ASNS: variants seen among roughly 807,000 people sequenced by gnomAD.
ASNS encodes the protein asparagine synthetase (glutamine-hydrolyzing), also known as asparagine synthetase [glutamine-hydrolyzing].
ASNS carries 37 observed loss-of-function variants against 62.6 expected under a neutral mutation model. The ratio of observed to expected loss-of-function variants is 0.59; its 90% CI spans 0.45 to 0.78. The LOEUF is 0.78. Ranked by LOEUF, ASNS falls within the 30% of genes least tolerant of loss-of-function variation. The pLI is 0.00. For synonymous variants in ASNS, 207 were observed against 237.9 expected, an observed-to-expected ratio of 0.87 and a Z score of 1.19; for missense variants, 520 against 682.4, an observed-to-expected ratio of 0.76 and a Z score of 2.65.
the ASNS span, among the ~76,000 whole-genome samples, chr7:97,920,293 C>G: frequency 6.6e-6 from 1 of 152,258 alleles, no homozygotes; most frequent in Non-Finnish European, 1.5e-5. Flanking sequence ...TGTGAGCCAC[C>G]ATGCCTGGCC....
rs762882170 is a variant in ASNS at position 97,853,064 on chromosome 7, T to A, written c.1472A>T (p.His491Leu). The change falls in exon 12 of 13, where the codon CAT (histidine) becomes CTT (leucine). Residue 491 changes from histidine (H) to leucine (L), a missense_variant. Coordinates refer to ENST00000394308, the MANE Select transcript of ASNS (RefSeq NM_001673.5). ...WFKILQEYVE[H>L]QVDDAMMANA... is the part of the protein sequence containing the mutation. ...ATGTTTTTAAAGACATTATACCTGA[T>A]GTTCAACGTATTCCTGTAAAATCTT... 5.7e-6 allele frequency: 9 copies of A among 1,568,930 alleles called. No homozygotes were observed. The highest frequency in any genetic ancestry group is 7.8e-6 in the Non-Finnish European group (9 of 1,161,040).
intron 1 of ASNS, among the ~76,000 whole-genome samples, chr7:97,871,500 AT>A (rs201755027): frequency 1.9e-5 from 2 of 102,878 alleles, no homozygotes; most frequent in African/African-American, 3.7e-5. Context: ...ATGATTTAAA[AT>A]TTAAAAAAAA....
chr7:97,896,711 T>TACAC, the ASNS span, among the ~76,000 whole-genome samples: 432 of 44,272 alleles, frequency 9.8e-3, 15 homozygotes, highest in African/African-American at 0.02. Flanking sequence ...TGTATATATA[T>TACAC]ACACACACAC....
the ASNS span, among the ~76,000 whole-genome samples, chr7:97,926,000 G>A: frequency 6.6e-6 from 1 of 151,870 alleles, no homozygotes; most frequent in Non-Finnish European, 1.5e-5. Context: ...GGATACACAA[G>A]AAGCCTGTGA....
chr7:97,858,101 A>G (rs1791542090), intron 7 of ASNS, among the ~76,000 whole-genome samples, 177 bp downstream of exon 7: 1 of 152,232 alleles, frequency 6.6e-6, no homozygotes, highest in Non-Finnish European at 1.5e-5. Flanking sequence ...CACAGAGGAC[A>G]GTGTACAACA....
the ASNS span, among the ~76,000 whole-genome samples, chr7:97,891,813 C>A: frequency 1.3e-5 from 2 of 152,162 alleles, no homozygotes; most frequent in East Asian, 1.9e-4. Context: ...GGGTTTAAAC[C>A]CCCTCCTGGC....
At chr7:97,918,267 T>C in the ASNS span, among the ~76,000 whole-genome samples, 2 of 152,144 alleles carry the variant, frequency 1.3e-5, no homozygotes, top group African/African-American at 4.8e-5. Flanking sequence ...GATGACTGGA[T>C]GGAATTTTGC....
rs186368931 is a variant in ASNS at position 97,854,474 on chromosome 7, C to G, written c.1238+106G>C. The G allele has an allele frequency of 5.9e-3, 7,834 of 1,335,632 alleles. 32 individuals are homozygous for G. The highest frequency in any genetic ancestry group is 7.1e-3 in the Non-Finnish European group (6,893 of 967,386). The allele number at this position is 1,335,632 out of a possible 1,614,324, so 82.7% of individuals were successfully genotyped here. ...ATAGCCAACTATATGTAACATATAG[C>G]CAATCAGCTATTGATTTTTATTTTC... On this transcript the variant is annotated intron_variant, in intron 10 of 12. Coordinates refer to ENST00000394308, the MANE Select transcript of ASNS (RefSeq NM_001673.5).
intron 7 of ASNS, among the ~76,000 whole-genome samples, chr7:97,857,407 A>G (rs1300410088): frequency 6.6e-6 from 1 of 152,088 alleles, no homozygotes; most frequent in Non-Finnish European, 1.5e-5. Flanking sequence ...TACTTTCAAA[A>G]ATAATAATAA....
At chr7:97,856,274 A>G (rs189593629) in intron 8 of ASNS, among the ~76,000 whole-genome samples, 1 of 152,246 alleles carries the variant, frequency 6.6e-6, no homozygotes, top group Non-Finnish European at 1.5e-5. Flanking sequence ...TTGTTTGCAG[A>G]GCAATGATAG....
chr7:97,882,402 G>T, the ASNS span, among the ~76,000 whole-genome samples: 2 of 152,018 alleles, frequency 1.3e-5, no homozygotes, highest in Non-Finnish European at 2.9e-5. Context: ...CAAAAAATTA[G>T]CCGGGCATGG....
chr7:97,911,566 C>T, the ASNS span, among the ~76,000 whole-genome samples: 2 of 151,542 alleles, frequency 1.3e-5, no homozygotes, highest in African/African-American at 2.4e-5. Context: ...CACCTGAGCC[C>T]AGAAGGTCAA....
At chr7:97,877,197 T>C (rs187454599), upstream of ASNS, among the ~76,000 whole-genome samples, 261 of 151,324 alleles carry the variant, frequency 1.7e-3, 10 homozygotes, top group East Asian at 0.043. Context: ...TGGGTTCAAG[T>C]GATTCCCCTG....
chr7:97,876,114 C>A (rs1034869562), upstream of ASNS, among the ~76,000 whole-genome samples: 2 of 152,132 alleles, frequency 1.3e-5, no homozygotes, highest in Admixed American at 6.5e-5. Flanking sequence ...GCCTCGGCCT[C>A]CCAAAGTGCT....
the ASNS span, among the ~76,000 whole-genome samples, chr7:97,923,968 G>A: frequency 6.6e-6 from 1 of 152,126 alleles, no homozygotes; most frequent in East Asian, 1.9e-4. Flanking sequence ...CATTCCAGAG[G>A]CCACAAGAAG....
At position 97,858,280 on chromosome 7, in the gene ASNS, T is replaced by C; in HGVS notation, c.901A>G (p.Lys301Glu). Residue 301 changes from lysine (K) to glutamate (E), a missense_variant and splice_region_variant, in exon 7 of 13, where the codon AAG becomes GAG. Transcript: ENST00000394308. ...AAGGGACAGAGACAGCACCTTACCTTTCTAGCAGCCAGTAAATCGGGGCTG... is the reference window on the plus strand; with the variant it reads ...AAGGGACAGAGACAGCACCTTACCTCTCTAGCAGCCAGTAAATCGGGGCTG... ...EDSPDLLAAR[K>E]VADHIGSEHY... is the part of the protein sequence containing the mutation. The C allele has an allele frequency of 6.2e-7, 1 of 1,612,902 alleles. No homozygotes were observed. Among genetic ancestry groups the C allele is most frequent in the Non-Finnish European group, 8.5e-7 (1 of 1,179,962 alleles).
At chr7:97,926,686 G>A in the ASNS span, among the ~76,000 whole-genome samples, 1 of 152,154 alleles carries the variant, frequency 6.6e-6, no homozygotes, top group Non-Finnish European at 1.5e-5. Context: ...CAGGCGCCGC[G>A]AAAAGAGCGT....
At chr7:97,896,635 T>TAC in the ASNS span, among the ~76,000 whole-genome samples, 1 of 137,674 alleles carries the variant, frequency 7.3e-6, no homozygotes, top group Non-Finnish European at 1.6e-5. Flanking sequence ...TATATGTATA[T>TAC]ATATATATAT....
the ASNS span, among the ~76,000 whole-genome samples, chr7:97,904,320 A>ACACACAC: frequency 7.7e-6 from 1 of 129,914 alleles, no homozygotes; most frequent in African/African-American, 3.3e-5. Context: ...ACACACACAG[A>ACACACAC]GAGAGAGAAA....
Sources: allele counts gnomAD v4.1 joint callset (sites outside exome capture counted in the v4.1 genomes callset), GRCh38; gene constraint gnomAD v4.1.1; transcripts MANE v1.5; gene names NCBI Gene and HGNC (gene_info 2026-07-23, HGNC 2026-07-21).